Variants in SCN3A observed in about 807,000 individuals in gnomAD.
The protein encoded by SCN3A is sodium voltage-gated channel alpha subunit 3.
Under a neutral mutation model 187.6 loss-of-function variants are expected in SCN3A, and 60 were observed. The ratio of observed to expected loss-of-function variants is 0.32; its 90% CI spans 0.26 to 0.40. The LOEUF is 0.40. Among genes scored for constraint, SCN3A ranks in the 10% least tolerant of loss-of-function variants. The pLI is 1.00. For missense variants in SCN3A, 1,601 were observed against 2,428.2 expected (o/e 0.66, Z 7.16); for synonymous variants, 788 against 829.2 (o/e 0.95, Z 0.85).
Position 165,137,976 on chromosome 2 carries a change from G to A in SCN3A, c.2294C>T (p.Ala765Val). The change falls in exon 15 of 28, where the codon GCC (alanine) becomes GTC (valine). Residue 765 changes from alanine to valine, a missense_variant. Physicochemically the swap from Ala to Val is moderately conservative, Grantham distance 64. Transcript: ENST00000283254. Reference protein sequence around the residue: ...LIVMDPFVDLAITICIVLNTL... With the variant: ...LIVMDPFVDLVITICIVLNTL... ...ATTTAAGACAATGCAAATAGTGATGGCAAGATCAACAAATGGATCCATAAC... is the reference window on the plus strand; with the variant it reads ...ATTTAAGACAATGCAAATAGTGATGACAAGATCAACAAATGGATCCATAAC... 1 of 1,613,432 alleles carries A rather than the reference G, an allele frequency of 6.2e-7. No individual in the cohort carries two copies. Among genetic ancestry groups the A allele is most frequent in the South Asian group, 1.1e-5 (1 of 91,070 alleles).
At chr2:165,152,051 T>C (rs2105851344) in intron 11 of SCN3A, among the ~76,000 whole-genome samples, 1 of 152,184 alleles carries the variant, frequency 6.6e-6, no homozygotes, top group African/African-American at 2.4e-5. Flanking sequence ...GTAAACAACA[T>C]AACTATGTCC....
In SCN3A at chr2:165,162,564, C is replaced by T; in HGVS notation, c.959G>A (p.Gly320Glu). Residue 320 changes from glycine (G) to glutamate (E), a missense_variant, in exon 8 of 28, where the codon GGA becomes GAA. By Grantham distance (98) the Gly-to-Glu change is moderately conservative. Coordinates refer to ENST00000283254, the MANE Select transcript of SCN3A (RefSeq NM_006922.4). ...MSTFNWKDYIGDDSHFYVLDG... is the reference protein window; with the variant it reads ...MSTFNWKDYIEDDSHFYVLDG... ...AATGTAATACTTCTTACTGTCATCT[C>T]CAATGTAATCCTTCCAGTTAAATGT... 6.2e-7 allele frequency: 1 copy of T among 1,613,968 alleles called. No homozygotes were observed. The highest frequency in any genetic ancestry group is 8.5e-7 in the Non-Finnish European group (1 of 1,179,960).
At chr2:165,146,528 A>G (rs1688348376) in intron 12 of SCN3A, among the ~76,000 whole-genome samples, 1 of 149,818 alleles carries the variant, frequency 6.7e-6, no homozygotes, top group Non-Finnish European at 1.5e-5. Flanking sequence ...TGTATATATA[A>G]TCAGTCTCAA....
chr2:165,192,764 T>G (rs374268131), intron 1 of SCN3A, among the ~76,000 whole-genome samples: 1 of 152,148 alleles, frequency 6.6e-6, no homozygotes, highest in Non-Finnish European at 1.5e-5. Flanking sequence ...ATATTCTATC[T>G]TCTGTTGTTA....
chr2:165,131,440 A>T, intron 15 of SCN3A, 23 bp from the exon 16 acceptor site: 1 of 1,568,124 alleles, frequency 6.4e-7, no homozygotes. Flanking sequence ...GATCAGCACT[A>T]CTTCAAGAGC....
rs1458545066 is a variant in SCN3A, at chr2:165,137,919, A to T, written c.2351T>A (p.Met784Lys). 1 of 1,613,416 alleles carries T rather than the reference A, an allele frequency of 6.2e-7. No homozygotes were observed. Among genetic ancestry groups the T allele is most frequent in the South Asian group, 1.1e-5 (1 of 91,070 alleles). ...TLFMAMEHYP[M>K]TEQFSSVLTV... Reference sequence around the variant, plus strand: ...CAACACACTACTGAATTGCTCAGTCATGGGGTAGTGCTCCATGGCCATAAA... The same window carrying T: ...CAACACACTACTGAATTGCTCAGTCTTGGGGTAGTGCTCCATGGCCATAAA... The change falls in exon 15 of 28, where the codon ATG becomes AAG. Residue 784 changes from methionine (M) to lysine (K), a missense_variant. Transcript: ENST00000283254.
intron 1 of SCN3A, among the ~76,000 whole-genome samples, chr2:165,187,750 A>G (rs1166294703): frequency 6.6e-6 from 1 of 152,200 alleles, no homozygotes; most frequent in Non-Finnish European, 1.5e-5. Context: ...AAGTGCCTTC[A>G]TGATCTGGCC....
chr2:165,164,652 C>T, intron 5 of SCN3A, 132 bp from the exon 6 acceptor site: 1 of 981,482 alleles, frequency 1.0e-6, no homozygotes, highest in Non-Finnish European at 1.5e-6. Context: ...TTCTATTTAC[C>T]AAATAATCTA....
chr2:165,156,593 A>G (rs1011371384), intron 9 of SCN3A, among the ~76,000 whole-genome samples: 1 of 150,190 alleles, frequency 6.7e-6, no homozygotes, highest in African/African-American at 2.4e-5. Flanking sequence ...GGAATCAACC[A>G]TTTCATTAGC....
At chr2:165,202,483 G>A (rs145495106) in intron 1 of SCN3A, among the ~76,000 whole-genome samples, 42 of 152,094 alleles carry the variant, frequency 2.8e-4, no homozygotes, top group African/African-American at 9.6e-4. Context: ...CCTGTCCAAA[G>A]AAATAGTTTT....
chr2:165,164,198 C>A (rs543076940), intron 6 of SCN3A, among the ~76,000 whole-genome samples, 194 bp downstream of exon 6: 9 of 152,092 alleles, frequency 5.9e-5, no homozygotes, highest in East Asian at 1.9e-4. Flanking sequence ...ATGAAGATAA[C>A]CCCATTTATT....
chr2:165,131,298 C>T lies in SCN3A; in HGVS notation c.2511G>A (p.Met837Ile). 3 of 1,608,022 alleles carry T rather than the reference C, an allele frequency of 1.9e-6. No individual in the cohort carries two copies. Among genetic ancestry groups the T allele is most frequent in the Non-Finnish European group, 2.6e-6 (3 of 1,176,300 alleles). The change falls in exon 16 of 28, where the codon ATG (methionine) becomes ATA (isoleucine). Residue 837 changes from methionine (M) to isoleucine (I), a missense_variant. Around this residue, in one of 11 missense-constraint regions of SCN3A, gnomAD observed 91 missense variants for 207.0 expected, o/e 0.44. Coordinates refer to ENST00000283254, the MANE Select transcript of SCN3A (RefSeq NM_006922.4). ...CCTCCACATTTGACAGACCAAGCTC[C>T]ATTAAACTGAGGCTGACAATAATTC... ...FDGIIVSLSL[M>I]ELGLSNVEGL...
At chr2:165,201,909 A>G (rs1692347102) in intron 1 of SCN3A, among the ~76,000 whole-genome samples, 1 of 152,102 alleles carries the variant, frequency 6.6e-6, no homozygotes. Flanking sequence ...ATTCTTATAC[A>G]GCTTTGATTC....
chr2:165,097,684 AAAAC>A (rs1685423273), intron 22 of SCN3A, 160 bp from the exon 23 acceptor site: 5 of 884,806 alleles, frequency 5.7e-6, no homozygotes, highest in East Asian at 2.6e-5. Flanking sequence ...TATTTGAAGG[AAAAC>A]AAACAATGAC....
intron 15 of SCN3A, 50 bp downstream of exon 15, chr2:165,137,829 A>T: frequency 7.2e-7 from 1 of 1,381,190 alleles, no homozygotes; most frequent in Non-Finnish European, 1.0e-6. Flanking sequence ...CCTTTGGTCT[A>T]TCTCTCCCAC....
rs576419892 is a variant in SCN3A, at chr2:165,129,457, T to C, written c.2922+483A>G. ...AGCTAAAATATAATGGTCTACTTCA[T>C]TGAAATGTGTCTTCAAAATTTGGTA... On this transcript the variant is annotated intron_variant, in intron 17 of 27. Coordinates refer to ENST00000283254, the MANE Select transcript of SCN3A (RefSeq NM_006922.4). 5.9e-5 allele frequency among the ~76,000 whole-genome samples: 9 copies of C among 152,328 alleles called. No individual in the cohort carries two copies. In the South Asian group the frequency reaches 1.7e-3, roughly 28 times the overall value.
rs1178412455 is a variant in SCN3A at position 165,088,544 on chromosome 2, A to G, written c.*1606T>C. The G allele has an allele frequency of 6.6e-6, 1 of 152,542 alleles. No individual in the cohort carries two copies. Among genetic ancestry groups the G allele is most frequent in the African/African-American group, 2.4e-5 (1 of 41,464 alleles). The allele number at this position is 152,542 out of a possible 1,614,324, so 9.4% of individuals were successfully genotyped here. On this transcript the variant is annotated 3_prime_UTR_variant, in exon 28 of 28. Coordinates refer to ENST00000283254, the MANE Select transcript of SCN3A (RefSeq NM_006922.4). The stretch of plus-strand genomic sequence containing the variant: ...TGAGTGTTTGACCAATGTATCTCCT[A>G]TTGGAATGGTAGAAAATATATTATA...
chr2:165,133,458 C>T (rs1687478666), intron 15 of SCN3A, among the ~76,000 whole-genome samples: 1 of 152,068 alleles, frequency 6.6e-6, no homozygotes, highest in South Asian at 2.1e-4. Context: ...CAGTCTCAGC[C>T]TCCCAGGTAG....
intron 21 of SCN3A, among the ~76,000 whole-genome samples, chr2:165,106,170 G>A (rs1202410740): frequency 6.6e-6 from 1 of 152,170 alleles, no homozygotes; most frequent in African/African-American, 2.4e-5. Context: ...GAAGCCATGA[G>A]TTTCACAGGA....
Sources: allele counts gnomAD v4.1 joint callset (sites outside exome capture counted in the v4.1 genomes callset), GRCh38; gene constraint gnomAD v4.1.1; regional missense constraint gnomAD v4.1.1; transcripts MANE v1.5; gene names NCBI Gene and HGNC (gene_info 2026-07-23, HGNC 2026-07-21).